Variants in TTN observed in about 807,000 individuals in gnomAD.
The protein encoded by TTN is connectin.
TTN carries 1,525 observed loss-of-function variants against 3,223.0 expected under a neutral mutation model. The ratio of observed to expected loss-of-function variants is 0.47; its 90% CI spans 0.45 to 0.49. The LOEUF (loss-of-function observed/expected upper bound fraction) is 0.49. TTN is among the 20% of genes least tolerant of loss of function. The pLI is 0.00. For synonymous variants in TTN, 14,094 were observed against 15,161.0 expected, an observed-to-expected ratio of 0.93 and a Z score of 5.17; for missense variants, 40,786 against 43,424.0, an observed-to-expected ratio of 0.94 and a Z score of 5.40.
chr2:178,572,681 A>G lies in TTN; in HGVS notation c.73451T>C (p.Leu24484Pro). The change falls in exon 326 of 363, where the codon CTT (leucine) becomes CCT (proline). Residue 24484 changes from leucine (L) to proline (P), a missense_variant. Leu to Pro is a moderately conservative substitution (Grantham distance 98). Coordinates refer to ENST00000589042, the MANE Select transcript of TTN (RefSeq NM_001267550.2). ...SIESTSSYTL[L>P]IVGNVNRFDS... ...AAATCTGTTTACATTTCCAACAATAAGCAGGGTGTAAGAGCTTGTGGATTC... is the reference window on the plus strand; with the variant it reads ...AAATCTGTTTACATTTCCAACAATAGGCAGGGTGTAAGAGCTTGTGGATTC... 6.2e-7 allele frequency: 1 copy of G among 1,613,318 alleles called. No homozygotes were observed. The highest frequency in any genetic ancestry group is 8.5e-7 in the Non-Finnish European group (1 of 1,179,488).
Position 178,644,560 on chromosome 2 carries a change from T to A in TTN, c.40465A>T (p.Thr13489Ser). Residue 13489 changes from threonine to serine, a missense_variant, in exon 218 of 363, where the codon ACA becomes TCA. Coordinates refer to ENST00000589042, the MANE Select transcript of TTN (RefSeq NM_001267550.2). ...GCCTGTGAAATACCTTTCAGAGGTG[T>A]AAGCTCCACTTTTTCTGGAACCTGA... ...KPQVPEKVEL[T>S]PLKVPGGEKK... 6.3e-7 allele frequency: 1 copy of A among 1,586,264 alleles called. No individual in the cohort carries two copies. The highest frequency in any genetic ancestry group is 8.6e-7 in the Non-Finnish European group (1 of 1,168,536).
At chr2:178,638,420 A>G (rs889672274) in intron 223 of TTN, among the ~76,000 whole-genome samples, 1 of 151,464 alleles carries the variant, frequency 6.6e-6, no homozygotes, top group African/African-American at 2.4e-5. Flanking sequence ...TGATTTATTA[A>G]AGATATAAGC....
rs760613642 is a variant in TTN at position 178,717,726 on chromosome 2, A to G, written c.25148T>C (p.Ile8383Thr). The change falls in exon 87 of 363, where the codon ATC becomes ACC. Residue 8383 changes from isoleucine to threonine, a missense_variant. Transcript: ENST00000589042. ...LGFPVAFECR[I>T]NGSEPLQVSW... ...CACTTGAAGAGGTTCTGAGCCATTG[A>G]TGCGGCATTCAAATGCAACTGGGAA... 1.9e-5 allele frequency: 30 copies of G among 1,613,264 alleles called. No homozygotes were observed. In the South Asian group the frequency reaches 3.3e-4, roughly 18 times the overall value.
chr2:178,615,010 A>G (rs1253731671), intron 259 of TTN, 42 bp from the exon 260 acceptor site: 4 of 1,530,634 alleles, frequency 2.6e-6, no homozygotes, highest in Admixed American at 3.7e-5. Flanking sequence ...TGATGTCGAT[A>G]ATCGTTTCAT....
Position 178,554,611 on chromosome 2 carries a change from A to T in TTN, c.88736T>A (p.Val29579Asp). Residue 29579 changes from valine to aspartate, a missense_variant, in exon 332 of 363, where the codon GTT becomes GAT. Transcript: ENST00000589042. ...YIVEKRETSRVVWSMVSEHLE... is the reference protein window; with the variant it reads ...YIVEKRETSRDVWSMVSEHLE... Reference sequence around the variant, plus strand: ...ATGTTCAGACACCATAGACCACACAACGCGGCTTGTCTCACGCTTTTCCAC... The same window carrying T: ...ATGTTCAGACACCATAGACCACACATCGCGGCTTGTCTCACGCTTTTCCAC... The T allele has an allele frequency of 6.2e-7, 1 of 1,613,822 alleles. No individual in the cohort carries two copies. Among genetic ancestry groups the T allele is most frequent in the Non-Finnish European group, 8.5e-7 (1 of 1,179,838 alleles).
chr2:178,631,384 C>A (rs1418438974), intron 236 of TTN, 84 bp from the exon 237 acceptor site: 9 of 1,397,212 alleles, frequency 6.4e-6, no homozygotes, highest in Non-Finnish European at 8.6e-6. Context: ...ACACAACTCA[C>A]AGAGTTCTGA....
intron 78 of TTN, among the ~76,000 whole-genome samples, chr2:178,721,439 G>C (rs1234805223): frequency 6.6e-6 from 1 of 151,196 alleles, no homozygotes; most frequent in Non-Finnish European, 1.5e-5. Flanking sequence ...GGGTACATGT[G>C]CATTTTTAAT....
chr2:178,703,965 T>C (rs1487421553), intron 106 of TTN, among the ~76,000 whole-genome samples, 182 bp downstream of exon 106: 1 of 152,228 alleles, frequency 6.6e-6, no homozygotes, highest in African/African-American at 2.4e-5. Context: ...CTGACACTCA[T>C]TTGAATATTT....
Position 178,802,445 on chromosome 2 carries a change from C to T in TTN, c.92-104G>A, listed in dbSNP as rs2094116624. 39 of 1,336,950 alleles carry T rather than the reference C, an allele frequency of 2.9e-5. No homozygotes were observed. In the South Asian group the frequency reaches 5.0e-4, roughly 17 times the overall value. The allele number at this position is 1,336,950 out of a possible 1,614,324, so 82.8% of individuals were successfully genotyped here. A position where few individuals can be genotyped will look rare whatever the true frequency, so the allele number is the denominator to read the frequency against. ...CCTTGTCCGAATCTGTAAAAGCTTT[C>T]CAGCATGGAATGCCACTTAATGATA... On this transcript the variant is annotated intron_variant, in intron 2 of 362. Transcript: ENST00000589042.
Position 178,565,039 on chromosome 2 carries a change from T to G in TTN, c.81093A>C (p.Thr27031=). Residue 27031 remains threonine, a synonymous_variant, in exon 326 of 363, where the codon ACA becomes ACC. Coordinates refer to ENST00000589042, the MANE Select transcript of TTN (RefSeq NM_001267550.2). ...HMVSATVART[T]IKITKLKTGT... ...CTGTTTTCAGTTTGGTTATTTTAATTGTTGTTCTTGCAACTGTTGCTGATA... is the reference window on the plus strand; with the variant it reads ...CTGTTTTCAGTTTGGTTATTTTAATGGTTGTTCTTGCAACTGTTGCTGATA... 6.2e-7 allele frequency: 1 copy of G among 1,613,628 alleles called. No homozygotes were observed. Among genetic ancestry groups the G allele is most frequent in the Non-Finnish European group, 8.5e-7 (1 of 1,179,676 alleles).
chr2:178,709,757 T>G lies in TTN; in HGVS notation c.28562A>C (p.Gln9521Pro), dbSNP rs760280055. 6.2e-7 allele frequency: 1 copy of G among 1,613,776 alleles called. No homozygotes were observed. The highest frequency in any genetic ancestry group is 1.3e-5 in the African/African-American group (1 of 74,932). Residue 9521 changes from glutamine to proline, a missense_variant, in exon 99 of 363, where the codon CAA (glutamine) becomes CCA (proline). Transcript: ENST00000589042. ...TTTGTACCAGGCAACAGTTATAGGT[T>G]GGGAACCAGCCACACGTCCCTCAAG... Reference protein sequence around the residue: ...FKLEGRVAGSQPITVAWYKNN... With the variant: ...FKLEGRVAGSPPITVAWYKNN...
Position 178,580,306 on chromosome 2 carries a change from T to A in TTN, c.67057+16A>T. The stretch of plus-strand genomic sequence containing the variant: ...TATTTTAAAATATATATGATTCTTT[T>A]TTGAAATAGACTTACCAAGCACTTT... On this transcript the variant is annotated intron_variant, in intron 317 of 362. Transcript: ENST00000589042. The A allele has an allele frequency of 6.2e-7, 1 of 1,607,946 alleles. No individual in the cohort carries two copies. Among genetic ancestry groups the A allele is most frequent in the South Asian group, 1.1e-5 (1 of 89,426 alleles).
chr2:178,716,993 C>A (rs1015892511), intron 88 of TTN, 102 bp downstream of exon 88: 6 of 1,329,926 alleles, frequency 4.5e-6, no homozygotes, highest in Admixed American at 2.7e-5. Context: ...CATCACTAGA[C>A]CCTGGTCCTA....
At chr2:178,613,720 C>G in intron 263 of TTN, 31 bp downstream of exon 263, 2 of 1,603,268 alleles carry the variant, frequency 1.2e-6, no homozygotes, top group South Asian at 2.2e-5. Flanking sequence ...ATACTGCTGT[C>G]TTAACATCTT....
At chr2:178,743,218 A>G (rs1379352617) in intron 47 of TTN, among the ~76,000 whole-genome samples, 4 of 152,056 alleles carry the variant, frequency 2.6e-5, no homozygotes, top group Non-Finnish European at 5.9e-5. Context: ...AGGATAGTAA[A>G]TGAAATTCAA....
Position 178,800,463 on chromosome 2 carries a change from C to T in TTN, c.515G>A (p.Gly172Glu). The T allele has an allele frequency of 6.2e-7, 1 of 1,614,108 alleles. No individual in the cohort carries two copies. The highest frequency in any genetic ancestry group is 8.5e-7 in the Non-Finnish European group (1 of 1,180,014). The part of the protein sequence containing the change: ...LIAEAYPEDS[G>E]TYSVNATNSV... ...ATTGGTGGCATTTACTGAATAGGTCCCTGAGTCCTCAGGGTATGCTTCTGC... is the reference window on the plus strand; with the variant it reads ...ATTGGTGGCATTTACTGAATAGGTCTCTGAGTCCTCAGGGTATGCTTCTGC... Residue 172 changes from glycine to glutamate, a missense_variant, in exon 4 of 363, where the codon GGG becomes GAG. Gly to Glu is a moderately conservative substitution (Grantham distance 98, BLOSUM62 -2). Coordinates refer to ENST00000589042, the MANE Select transcript of TTN (RefSeq NM_001267550.2).
chr2:178,545,929 A>G lies in TTN; in HGVS notation c.95307T>C (p.Val31769=). The part of the protein sequence containing the change: ...EGECPTLSYV[V]TRLIKNNEYI... Reference sequence around the variant, plus strand: ...ACTCATTGTTCTTGATGAGCCTGGTAACGACATAGGATAGGGTTGGGCATT... The same window carrying G: ...ACTCATTGTTCTTGATGAGCCTGGTGACGACATAGGATAGGGTTGGGCATT... The change falls in exon 343 of 363, where the codon GTT becomes GTC. Residue 31769 remains valine (V), a synonymous_variant. Coordinates refer to ENST00000589042, the MANE Select transcript of TTN (RefSeq NM_001267550.2). 6.2e-7 allele frequency: 1 copy of G among 1,613,856 alleles called. No individual in the cohort carries two copies. The highest frequency in any genetic ancestry group is 1.1e-5 in the South Asian group (1 of 91,082).
chr2:178,618,379 A>G lies in TTN; in HGVS notation c.47079T>C (p.Val15693=). ...TDGGSKIIGY[V]VERRDIKRKT... is the part of the protein sequence containing the mutation. Reference sequence around the variant, plus strand: ...TTCTCTTAATGTCACGTCTTTCAACAACGTAACCTATGATTTTGCTTCCAC... The same window carrying G: ...TTCTCTTAATGTCACGTCTTTCAACGACGTAACCTATGATTTTGCTTCCAC... Residue 15693 remains valine, a synonymous_variant, in exon 252 of 363, where the codon GTT becomes GTC. Coordinates refer to ENST00000589042, the MANE Select transcript of TTN (RefSeq NM_001267550.2). The G allele has an allele frequency of 6.2e-7, 1 of 1,612,516 alleles. No homozygotes were observed. The highest frequency in any genetic ancestry group is 8.5e-7 in the Non-Finnish European group (1 of 1,179,106).
chr2:178,707,642 C>G lies in TTN; in HGVS notation c.28925G>C (p.Ser9642Thr). The G allele has an allele frequency of 1.2e-6, 2 of 1,613,946 alleles. No homozygotes were observed. Among genetic ancestry groups the G allele is most frequent in the African/African-American group, 1.3e-5 (1 of 75,074 alleles). ...TCTGAGTTCCAGTACAGCTGTCCCA[C>G]TAGCAAAGCTGAAGCTGCATCTGTC... ...PSDRCSFSFA[S>T]GTAVLELRDV... Residue 9642 changes from serine to threonine, a missense_variant, in exon 100 of 363, where the codon AGT becomes ACT. Transcript: ENST00000589042.
Sources: gnomAD v4.1 joint callset for allele counts (sites outside exome capture counted in the v4.1 genomes callset) on GRCh38, gnomAD v4.1.1 for gene constraint, MANE v1.5 for transcripts, NCBI Gene and HGNC (gene_info 2026-07-23, HGNC 2026-07-21) for gene names.